ZBTB20: variants seen among roughly 807,000 people sequenced by gnomAD.
ZBTB20 encodes the protein zinc finger and BTB domain-containing protein 20.
In ZBTB20, 9 loss-of-function variants were observed where a neutral mutation model predicts 56.9. The ratio of observed to expected loss-of-function variants is 0.16; its 90% confidence interval spans 0.10 to 0.28. The LOEUF is 0.28. Ranked by LOEUF, ZBTB20 falls within the 10% of genes least tolerant of loss-of-function variation. The probability of loss-of-function intolerance (pLI) is 1.00; values close to 1 mark genes in which losing one functional copy is unlikely to be tolerated. For missense variants in ZBTB20, 655 were observed against 1,003.0 expected (o/e 0.65, Z 4.69); for synonymous variants, 417 against 420.7 (o/e 0.99, Z 0.11).
chr3:114,842,893 C>A (rs1460835500), intron 4 of ZBTB20, among the ~76,000 whole-genome samples: 8 of 152,120 alleles, frequency 5.3e-5, no homozygotes, highest in Non-Finnish European at 1.0e-4. Context: ...CTCTGTGTCC[C>A]CAACCAAATC....
At chr3:114,838,426 T>C (rs2074220918) in intron 4 of ZBTB20, among the ~76,000 whole-genome samples, 1 of 152,166 alleles carries the variant, frequency 6.6e-6, no homozygotes, top group Admixed American at 6.5e-5. Flanking sequence ...TTTCCATATA[T>C]TTATGTAAAG....
chr3:114,803,225 G>C (rs1485682868), intron 4 of ZBTB20, among the ~76,000 whole-genome samples: 1 of 150,060 alleles, frequency 6.7e-6, no homozygotes, highest in Non-Finnish European at 1.5e-5. Context: ...TATCCTTCCA[G>C]ATGACAAACT....
chr3:114,889,923 T>C (rs141275673), intron 4 of ZBTB20, among the ~76,000 whole-genome samples: 60 of 152,302 alleles, frequency 3.9e-4, no homozygotes, highest in African/African-American at 1.4e-3. Context: ...TTATGATGAC[T>C]AATGAGAGGA....
chr3:114,349,298 T>C (rs940322157), intron 11 of ZBTB20, among the ~76,000 whole-genome samples: 3 of 152,154 alleles, frequency 2.0e-5, no homozygotes, highest in Non-Finnish European at 2.9e-5. Context: ...CAATCGCTTA[T>C]GTGCTCACTT....
At chr3:114,451,684 G>A (rs2091619824) in intron 7 of ZBTB20, among the ~76,000 whole-genome samples, 1 of 152,054 alleles carries the variant, frequency 6.6e-6, no homozygotes, top group African/African-American at 2.4e-5. Context: ...AGTCCTAACA[G>A]GCCATTCTCC....
At chr3:114,410,328 C>T (rs142309595) in intron 7 of ZBTB20, among the ~76,000 whole-genome samples, 149 of 151,978 alleles carry the variant, frequency 9.8e-4, no homozygotes, top group African/African-American at 3.3e-3. Context: ...GGGACAGAAC[C>T]GTATCCAGAG....
chr3:114,983,436 C>T (rs934503605), intron 2 of ZBTB20, among the ~76,000 whole-genome samples: 8 of 151,802 alleles, frequency 5.3e-5, no homozygotes, highest in African/African-American at 9.7e-5. Context: ...GATTTAGAAC[C>T]GGAGAAGCAT....
intron 7 of ZBTB20, among the ~76,000 whole-genome samples, chr3:114,458,638 T>C (rs1015054230): frequency 1.3e-5 from 2 of 151,914 alleles, no homozygotes; most frequent in African/African-American, 4.8e-5. Context: ...GAGTAGAAAA[T>C]GAGACTAAGT....
Position 114,350,411 on chromosome 3 carries a change from G to C in ZBTB20, c.1667C>G (p.Ala556Gly), listed in dbSNP as rs1323958910. ...GLSTFTAQLP[A>G]PQPLASSAGH... is the part of the protein sequence containing the mutation. Reference sequence around the variant, plus strand: ...TGCGGATGAGGCCAGGGGCTGTGGCGCTGGCAGCTGTGCAGTAAAGGTCGA... The same window carrying C: ...TGCGGATGAGGCCAGGGGCTGTGGCCCTGGCAGCTGTGCAGTAAAGGTCGA... Residue 556 changes from alanine (A) to glycine (G), a missense_variant, in exon 11 of 12, where the codon GCG becomes GGG. Physicochemically the swap from Ala to Gly is moderately conservative, Grantham distance 60 (BLOSUM62 0). Coordinates refer to ENST00000675478, the MANE Select transcript of ZBTB20 (RefSeq NM_001348800.3). The C allele has an allele frequency of 1.2e-6, 2 of 1,614,004 alleles. No individual in the cohort carries two copies.
intron 1 of ZBTB20, among the ~76,000 whole-genome samples, chr3:115,095,922 C>A (rs896905762): frequency 2.5e-4 from 38 of 152,070 alleles, no homozygotes; most frequent in African/African-American, 9.2e-4. Flanking sequence ...AGCTATAGTT[C>A]CTGGAGATTA....
intron 7 of ZBTB20, among the ~76,000 whole-genome samples, chr3:114,430,131 G>A (rs2090011370): frequency 6.6e-6 from 1 of 152,148 alleles, no homozygotes. Flanking sequence ...TGGTTATGGA[G>A]AAAAATCACT....
At chr3:114,804,919 T>C (rs748299469) in intron 4 of ZBTB20, among the ~76,000 whole-genome samples, 14 of 151,934 alleles carry the variant, frequency 9.2e-5, no homozygotes, top group South Asian at 2.1e-4. Context: ...TGTTAAATGA[T>C]TGACTTTTAA....
intron 2 of ZBTB20, among the ~76,000 whole-genome samples, chr3:114,986,207 G>A (rs780020444): frequency 5.3e-5 from 8 of 152,206 alleles, no homozygotes; most frequent in Admixed American, 2.6e-4. Flanking sequence ...AACCCCTCAG[G>A]TCACTCTTAT....
chr3:114,845,528 A>C lies in ZBTB20; in HGVS notation c.-416-44354T>G, dbSNP rs559317098. 2.0e-4 allele frequency among the ~76,000 whole-genome samples: 30 copies of C among 151,894 alleles called. No individual in the cohort carries two copies. The East Asian group carries it at 5.6e-3, about 28-fold the overall frequency. On this transcript the variant is annotated intron_variant, in intron 4 of 11. Transcript: ENST00000675478. The stretch of plus-strand genomic sequence containing the variant: ...CTGTGCCTCACCTCGCCCGTGACTC[A>C]AGTGCTATATGAACCCCTGCAAATA...
chr3:114,863,816 A>G (rs1359810077), intron 4 of ZBTB20, among the ~76,000 whole-genome samples: 2 of 152,138 alleles, frequency 1.3e-5, no homozygotes, highest in Non-Finnish European at 2.9e-5. Context: ...TTCTTCAGCT[A>G]TAGTATATAA....
chr3:114,462,772 T>C (rs942290055), intron 7 of ZBTB20, among the ~76,000 whole-genome samples: 1 of 152,206 alleles, frequency 6.6e-6, no homozygotes, highest in Admixed American at 6.5e-5. Flanking sequence ...ATCATCAGAA[T>C]TTTATCCAAT....
intron 2 of ZBTB20, among the ~76,000 whole-genome samples, chr3:115,061,583 C>CCT (rs1437158070): frequency 6.6e-6 from 1 of 152,096 alleles, no homozygotes; most frequent in Non-Finnish European, 1.5e-5. Flanking sequence ...ATCATCTCTG[C>CCT]CTTCTCTGTG....
chr3:114,334,486 G>C lies in ZBTB20; in HGVS notation c.*4519C>G, dbSNP rs1233081028. 1 of 152,196 alleles carries C rather than the reference G, an allele frequency of 6.6e-6. No homozygotes were observed. The highest frequency in any genetic ancestry group is 2.4e-5 in the African/African-American group (1 of 41,448). The allele number at this position is 152,196 out of a possible 1,614,324, so 9.4% of individuals were successfully genotyped here. A position where few individuals can be genotyped will look rare whatever the true frequency, so the allele number is the denominator to read the frequency against. ...TTCCTGTGTGAGGGAAGTACACATA[G>C]CTCAAGGCTTTAGGACTGAATGTGA... On this transcript the variant is annotated 3_prime_UTR_variant, in exon 12 of 12. Transcript: ENST00000675478.
At chr3:114,737,489 T>G (rs1315568152) in intron 5 of ZBTB20, among the ~76,000 whole-genome samples, 1 of 151,982 alleles carries the variant, frequency 6.6e-6, no homozygotes, top group Non-Finnish European at 1.5e-5. Context: ...TTAACACAAG[T>G]CAAAGAAGCT....
Sources: allele counts gnomAD v4.1 joint callset (sites outside exome capture counted in the v4.1 genomes callset), GRCh38; gene constraint gnomAD v4.1.1; transcripts MANE v1.5; gene names NCBI Gene and HGNC (gene_info 2026-07-23, HGNC 2026-07-21).